AADAC: variants seen among roughly 807,000 people sequenced by gnomAD.
The protein encoded by AADAC is arylacetamide deacetylase.
In AADAC, 17 loss-of-function variants were observed where a neutral mutation model predicts 22.7. That is an observed-to-expected ratio of 0.75 (90% confidence interval 0.51 to 1.12). AADAC has a LOEUF of 1.12. Among genes scored for constraint, AADAC ranks in the 50% most tolerant of loss-of-function variants. The pLI is 0.00. For missense variants in AADAC, 465 were observed against 473.9 expected, an observed-to-expected ratio of 0.98 and a Z score of 0.17; for synonymous variants, 167 against 176.3, an observed-to-expected ratio of 0.95 and a Z score of 0.42.
In AADAC at chr3:151,827,497, TAGAC is replaced by T. The variant is rs760209965; in HGVS notation, c.604-75_604-72del. On this transcript the variant is annotated intron_variant, in intron 4 of 4. Transcript: ENST00000232892. ...GATAGATAGATAAAAACAAGATAGA[TAGAC>T]AGATAGATAATCTTATTAGGGATAT... The T allele has an allele frequency of 3.1e-4, 274 of 896,336 alleles. 2 individuals carry two copies. The highest frequency in any genetic ancestry group is 8.7e-4 in the Admixed American group (35 of 40,436). 55.5% of individuals were successfully genotyped at this position (896,336 alleles called of 1,614,324 possible).
intron 3 of AADAC, 33 bp downstream of exon 3, chr3:151,820,485 A>C: frequency 9.5e-7 from 1 of 1,049,294 alleles, no homozygotes; most frequent in Non-Finnish European, 1.3e-6. Context: ...TCCTGGCCAG[A>C]TGTCTGACAT....
chr3:151,823,017 T>C (rs1057323952), intron 3 of AADAC, among the ~76,000 whole-genome samples: 27 of 152,102 alleles, frequency 1.8e-4, no homozygotes, highest in African/African-American at 6.3e-4. Context: ...CAGTGGCTCA[T>C]GCCTGTAATC....
intron 1 of AADAC, 50 bp downstream of exon 1, chr3:151,814,350 C>T: frequency 1.3e-6 from 2 of 1,524,428 alleles, no homozygotes; most frequent in Admixed American, 2.3e-5. Context: ...ACCATTTGAC[C>T]CAGAGAATTA....
intron 3 of AADAC, among the ~76,000 whole-genome samples, chr3:151,822,594 A>G (rs906079392): frequency 1.3e-5 from 2 of 152,058 alleles, no homozygotes; most frequent in Non-Finnish European, 2.9e-5. Context: ...AGTATGGACA[A>G]ATTTTGAAAA....
At position 151,824,714 on chromosome 3, in the gene AADAC, T is replaced by C. The variant is rs751186711; in HGVS notation, c.483T>C (p.Tyr161=). The part of the protein sequence containing the change: ...YHFPIQFEDV[Y]NALRWFLRKK... The stretch of plus-strand genomic sequence containing the variant: ...TCCCAATTCAATTTGAAGATGTATA[T>C]AATGCCTTAAGGTGGTTCTTACGTA... Residue 161 remains tyrosine (Y), a synonymous_variant, in exon 4 of 5, where the codon TAT becomes TAC. Coordinates refer to ENST00000232892, the MANE Select transcript of AADAC (RefSeq NM_001086.3). The C allele has an allele frequency of 3.1e-6, 5 of 1,602,184 alleles. No homozygotes were observed. In the East Asian group the frequency reaches 6.8e-5, roughly 22 times the overall value.
At chr3:151,814,608 T>A (rs1346839305) in intron 1 of AADAC, among the ~76,000 whole-genome samples, 2 of 152,076 alleles carry the variant, frequency 1.3e-5, no homozygotes, top group Non-Finnish European at 2.9e-5. Context: ...ATCTTAGGTA[T>A]GGTTTGTTCC....
In AADAC at chr3:151,827,786, G is replaced by A. The variant is rs1716563223; in HGVS notation, c.814G>A (p.Val272Met). The change falls in exon 5 of 5, where the codon GTG (valine) becomes ATG (methionine). Residue 272 changes from valine to methionine, a missense_variant. Val to Met is a conservative substitution (Grantham distance 21, BLOSUM62 1). Transcript: ENST00000232892. ...KAMLSRQHVPVESSHLFKFVN... is the reference protein window; with the variant it reads ...KAMLSRQHVPMESSHLFKFVN... Reference sequence around the variant, plus strand: ...CATGCTTTCCAGACAACATGTACCTGTGGAATCAAGTCATCTCTTCAAATT... The same window carrying A: ...CATGCTTTCCAGACAACATGTACCTATGGAATCAAGTCATCTCTTCAAATT... 1 of 1,613,280 alleles carries A rather than the reference G, an allele frequency of 6.2e-7. No homozygotes were observed. Among genetic ancestry groups the A allele is most frequent in the Non-Finnish European group, 8.5e-7 (1 of 1,179,528 alleles).
At chr3:151,826,349 C>T (rs953928784) in intron 4 of AADAC, among the ~76,000 whole-genome samples, 10 of 151,868 alleles carry the variant, frequency 6.6e-5, no homozygotes, top group Non-Finnish European at 1.0e-4. Flanking sequence ...AATAAACATT[C>T]ATTTCCTCAC....
At chr3:151,815,410 T>C (rs1715941152) in intron 1 of AADAC, among the ~76,000 whole-genome samples, 1 of 152,058 alleles carries the variant, frequency 6.6e-6, no homozygotes, top group African/African-American at 2.4e-5. Flanking sequence ...GGGGAAATTG[T>C]TGCAATTAGT....
At chr3:151,827,532 TG>T (rs774657286) in intron 4 of AADAC, 43 bp from the exon 5 acceptor site, 6 of 1,113,090 alleles carry the variant, frequency 5.4e-6, no homozygotes, top group African/African-American at 2.4e-5. Context: ...GATATTTTAT[TG>T]TTTTAAATGA....
Position 151,824,780 on chromosome 3 carries a change from C to T in AADAC, c.549C>T (p.Ile183=), listed in dbSNP as rs776921335. The part of the protein sequence containing the change: ...LAKYGVNPER[I]GISGDSAGGN... ...AATATGGTGTGAACCCTGAGAGAAT[C>T]GGTATTTCTGGAGATAGTGCAGGAG... The change falls in exon 4 of 5, where the codon ATC becomes ATT. Residue 183 remains isoleucine (I), a synonymous_variant. Coordinates refer to ENST00000232892, the MANE Select transcript of AADAC (RefSeq NM_001086.3). The T allele has an allele frequency of 2.5e-6, 4 of 1,606,614 alleles. No individual in the cohort carries two copies. The highest frequency in any genetic ancestry group is 2.6e-6 in the Non-Finnish European group (3 of 1,176,368).
At chr3:151,817,655 T>C (rs1716050823) in intron 2 of AADAC, 67 bp downstream of exon 2, 3 of 1,376,518 alleles carry the variant, frequency 2.2e-6, no homozygotes, top group African/African-American at 1.4e-5. Flanking sequence ...AAGTCTTCAG[T>C]AGGTACACAT....
chr3:151,825,036 T>A (rs1716421545), intron 4 of AADAC, among the ~76,000 whole-genome samples: 1 of 151,896 alleles, frequency 6.6e-6, no homozygotes, highest in East Asian at 1.9e-4. Flanking sequence ...AGATTTTTTT[T>A]TCTTCCTTAA....
intron 4 of AADAC, 104 bp from the exon 5 acceptor site, chr3:151,827,468 AATAG>A (rs376418498): frequency 1.7e-4 from 120 of 696,982 alleles, no homozygotes; most frequent in Admixed American, 5.2e-4. Flanking sequence ...TGAGATCATG[AATAG>A]ATAGATAGAT....
At chr3:151,823,104 T>C (rs1055219327) in intron 3 of AADAC, among the ~76,000 whole-genome samples, 3 of 151,528 alleles carry the variant, frequency 2.0e-5, no homozygotes, top group Admixed American at 6.6e-5. Flanking sequence ...GTGGTGAAAC[T>C]CCATCTCTAC....
At chr3:151,818,227 C>T (rs1182603378) in intron 2 of AADAC, among the ~76,000 whole-genome samples, 1 of 131,830 alleles carries the variant, frequency 7.6e-6, no homozygotes, top group Non-Finnish European at 1.6e-5. Flanking sequence ...GGCAACAGAG[C>T]AAGACTCTGC....
chr3:151,822,413 TA>T (rs1466815906), intron 3 of AADAC, among the ~76,000 whole-genome samples: 1 of 152,076 alleles, frequency 6.6e-6, no homozygotes, highest in African/African-American at 2.4e-5. Flanking sequence ...CATTAACTGA[TA>T]AATGGATGAA....
rs144460478 is a variant in AADAC, at chr3:151,827,726, G to A, written c.754G>A (p.Glu252Lys). ...SKSLMVRFWS[E>K]YFTTDRSLEK... Reference sequence around the variant, plus strand: ...ATCACTCATGGTCAGATTCTGGAGTGAATATTTTACCACTGATAGATCACT... The same window carrying A: ...ATCACTCATGGTCAGATTCTGGAGTAAATATTTTACCACTGATAGATCACT... Residue 252 changes from glutamate to lysine, a missense_variant, in exon 5 of 5, where the codon GAA becomes AAA. Physicochemically the swap from Glu to Lys is moderately conservative, Grantham distance 56 (BLOSUM62 1). Transcript: ENST00000232892. The A allele has an allele frequency of 1.2e-6, 2 of 1,613,092 alleles. No individual in the cohort carries two copies.
At chr3:151,817,630 C>A in intron 2 of AADAC, 42 bp downstream of exon 2, 1 of 1,575,006 alleles carries the variant, frequency 6.3e-7, no homozygotes, top group Non-Finnish European at 8.7e-7. Flanking sequence ...TGAGGTAGTT[C>A]GCAGACATTT....
Sources: gnomAD v4.1 joint callset for allele counts (sites outside exome capture counted in the v4.1 genomes callset) on GRCh38, gnomAD v4.1.1 for gene constraint, MANE v1.5 for transcripts, NCBI Gene and HGNC (gene_info 2026-07-23, HGNC 2026-07-21) for gene names.